The following TBC1D32 variants were observed in gnomAD, a reference collection of about 807,000 sequenced individuals.
TBC1D32 encodes the protein protein broad-minded.
Under a neutral mutation model 170.3 loss-of-function variants are expected in TBC1D32, and 151 were observed. The ratio of observed to expected loss-of-function variants is 0.89; its 90% confidence interval spans 0.78 to 1.01. The LOEUF is 1.01. TBC1D32 is among the 50% of genes least tolerant of loss of function. The probability of loss-of-function intolerance (pLI) is 0.00; values close to 1 mark genes in which losing one functional copy is unlikely to be tolerated. For synonymous variants in TBC1D32, 498 were observed against 488.0 expected (o/e 1.02, Z -0.27); for missense variants, 1,464 against 1,457.1 (o/e 1.00, Z -0.08).
chr6:121,213,776 A>G (rs1303858727), intron 21 of TBC1D32, among the ~76,000 whole-genome samples: 1 of 152,166 alleles, frequency 6.6e-6, no homozygotes, highest in Non-Finnish European at 1.5e-5. Context: ...CATCCTTCAC[A>G]GAACTAGAAA....
chr6:121,316,473 C>T (rs1323382475), intron 3 of TBC1D32, among the ~76,000 whole-genome samples: 1 of 152,090 alleles, frequency 6.6e-6, no homozygotes, highest in Non-Finnish European at 1.5e-5. Flanking sequence ...TATACCCCAC[C>T]TTTTTCCACA....
At chr6:121,103,788 C>G (rs1001699092) in intron 30 of TBC1D32, among the ~76,000 whole-genome samples, 2 of 151,942 alleles carry the variant, frequency 1.3e-5, no homozygotes, top group South Asian at 4.2e-4. Context: ...TTAGACAATA[C>G]ACATTACACT....
intron 24 of TBC1D32, among the ~76,000 whole-genome samples, chr6:121,132,233 G>C (rs1781512245): frequency 6.6e-6 from 1 of 151,852 alleles, no homozygotes; most frequent in African/African-American, 2.4e-5. Flanking sequence ...CTGCTGAAGG[G>C]GTTAAAACAT....
At chr6:121,132,353 G>C (rs1423306205) in intron 24 of TBC1D32, among the ~76,000 whole-genome samples, 1 of 151,962 alleles carries the variant, frequency 6.6e-6, no homozygotes, top group Non-Finnish European at 1.5e-5. Context: ...ATTCTCATGT[G>C]AAAGACACTC....
chr6:121,170,640 A>C (rs1786846394), intron 22 of TBC1D32: 1 of 687,350 alleles, frequency 1.5e-6, no homozygotes, highest in Non-Finnish European at 2.1e-6. Flanking sequence ...ATCTAACAGA[A>C]AGTATCATTT....
At chr6:121,269,746 T>C (rs1472817679) in intron 15 of TBC1D32, among the ~76,000 whole-genome samples, 1 of 152,084 alleles carries the variant, frequency 6.6e-6, no homozygotes, top group Non-Finnish European at 1.5e-5. Flanking sequence ...TGAACTCAGC[T>C]CTGCACCAAG....
At chr6:121,230,886 T>C (rs1473022249) in intron 20 of TBC1D32, among the ~76,000 whole-genome samples, 1 of 152,038 alleles carries the variant, frequency 6.6e-6, no homozygotes, top group Non-Finnish European at 1.5e-5. Context: ...GGTGCACCCA[T>C]CACCTGAGTA....
At chr6:121,285,594 G>A (rs1459275101) in intron 12 of TBC1D32, among the ~76,000 whole-genome samples, 1 of 152,144 alleles carries the variant, frequency 6.6e-6, no homozygotes, top group Admixed American at 6.6e-5. Flanking sequence ...GAGCGACGCA[G>A]AAGACGGGTG....
At chr6:121,081,756 C>T (rs1379325883) in intron 31 of TBC1D32, among the ~76,000 whole-genome samples, 1 of 151,864 alleles carries the variant, frequency 6.6e-6, no homozygotes, top group African/African-American at 2.4e-5. Context: ...GCTAGGAAAA[C>T]ATTACACAAT....
chr6:121,255,953 A>T, intron 16 of TBC1D32, 131 bp downstream of exon 16: 1 of 763,004 alleles, frequency 1.3e-6, no homozygotes, highest in Non-Finnish European at 2.1e-6. Flanking sequence ...TATGTCCCCT[A>T]GAGTACTGTG....
chr6:121,329,528 T>C (rs529642760), intron 1 of TBC1D32, among the ~76,000 whole-genome samples: 24 of 152,232 alleles, frequency 1.6e-4, no homozygotes, highest in African/African-American at 5.8e-4. Flanking sequence ...GGCAAACACC[T>C]GTAATCTTAG....
In TBC1D32 at chr6:121,317,488, AAC is replaced by A; in HGVS notation, c.495+5_495+6del. On this transcript the variant is annotated splice_donor_5th_base_variant and intron_variant, in intron 3 of 31. Transcript: ENST00000398212. The stretch of plus-strand genomic sequence containing the variant: ...TCAAGACATAAATGCAAAACTGAAC[AAC>A]ACACCTGATTCAATGATGAATCACT... The A allele has an allele frequency of 1.3e-6, 2 of 1,572,728 alleles. No homozygotes were observed. The highest frequency in any genetic ancestry group is 1.7e-6 in the Non-Finnish European group (2 of 1,160,998).
intron 21 of TBC1D32, among the ~76,000 whole-genome samples, chr6:121,216,345 C>T (rs2133992): frequency 0.68 from 104,096 of 152,088 alleles, 40,800 homozygotes; most frequent in Non-Finnish European, 0.87. Flanking sequence ...CCTATTGTGC[C>T]TTCTGATTGT....
At chr6:121,306,170 T>C (rs1563331544) in intron 5 of TBC1D32, among the ~76,000 whole-genome samples, 1 of 152,146 alleles carries the variant, frequency 6.6e-6, no homozygotes. Flanking sequence ...TCCAGAAGTC[T>C]ACAATACCCT....
intron 24 of TBC1D32, among the ~76,000 whole-genome samples, chr6:121,155,355 T>C (rs973797099): frequency 6.6e-6 from 1 of 152,170 alleles, no homozygotes; most frequent in Admixed American, 6.5e-5. Context: ...ATTTTTTATC[T>C]TGAAATTTTA....
intron 15 of TBC1D32, among the ~76,000 whole-genome samples, chr6:121,275,975 C>A (rs1461239257): frequency 6.6e-6 from 1 of 151,820 alleles, no homozygotes; most frequent in East Asian, 1.9e-4. Flanking sequence ...AAAAATTAAC[C>A]GGGCAAGGTG....
intron 25 of TBC1D32, among the ~76,000 whole-genome samples, chr6:121,126,815 A>G (rs1036102847): frequency 6.6e-6 from 1 of 152,124 alleles, no homozygotes; most frequent in Non-Finnish European, 1.5e-5. Flanking sequence ...TAACAAAAAA[A>G]AAGTATTAGT....
intron 15 of TBC1D32, among the ~76,000 whole-genome samples, chr6:121,277,487 CAAAAAAAAAA>C (rs755504493): frequency 6.0e-4 from 17 of 28,218 alleles, no homozygotes; most frequent in Admixed American, 2.1e-3. Context: ...GACTCCATCT[CAAAAAAAAAA>C]AAAAAAAAAA....
intron 15 of TBC1D32, among the ~76,000 whole-genome samples, chr6:121,265,550 G>GA (rs1439512801): frequency 5.5e-5 from 8 of 146,262 alleles, no homozygotes; most frequent in African/African-American, 1.8e-4. Context: ...CACAGAATTA[G>GA]AAAAAAAACT....
Sources: gnomAD v4.1 joint callset for allele counts (sites outside exome capture counted in the v4.1 genomes callset) on GRCh38, gnomAD v4.1.1 for gene constraint, MANE v1.5 for transcripts, NCBI Gene and HGNC (gene_info 2026-07-23, HGNC 2026-07-21) for gene names.